ANKFY1: variants seen among roughly 807,000 people sequenced by gnomAD.
ANKFY1 encodes ankyrin repeat and FYVE domain containing 1, also known as ankyrin repeat and FYVE domain-containing protein 1.
A neutral mutation model predicts 128.3 loss-of-function variants in ANKFY1; 47 were observed. That is an observed-to-expected ratio of 0.37 (90% CI 0.29 to 0.47). The LOEUF (loss-of-function observed/expected upper bound fraction) is 0.47, where lower values mean the gene tolerates loss of function less well. Ranked by LOEUF, ANKFY1 falls within the 20% of genes least tolerant of loss-of-function variation. The pLI is 1.00. For missense variants in ANKFY1, 1,222 were observed against 1,510.6 expected (o/e 0.81, Z 3.17); for synonymous variants, 553 against 601.6 (o/e 0.92, Z 1.18).
chr17:4,182,783 C>T lies in ANKFY1; in HGVS notation c.1953-434G>A, dbSNP rs2059538531. 5.9e-5 allele frequency among the ~76,000 whole-genome samples: 9 copies of T among 152,158 alleles called. No homozygotes were observed. The South Asian group carries it at 1.9e-3, about 32-fold the overall frequency. On this transcript the variant is annotated intron_variant, in intron 14 of 24. Transcript: ENST00000341657. ...TTGGTGGCTCATTTGTTGGAACATT[C>T]TTCATTGTAACTGAAATTCCTTGTT...
chr17:4,174,540 C>A (rs939716299), intron 19 of ANKFY1, among the ~76,000 whole-genome samples: 1 of 151,998 alleles, frequency 6.6e-6, no homozygotes, highest in Non-Finnish European at 1.5e-5. Flanking sequence ...AGTATGATTC[C>A]ATCTGGGGAA....
intron 19 of ANKFY1, 124 bp downstream of exon 19, chr17:4,177,002 C>A: frequency 9.4e-7 from 1 of 1,067,238 alleles, no homozygotes; most frequent in East Asian, 3.0e-5. Flanking sequence ...GCACCAGCCT[C>A]GCTCCCCAAA....
At chr17:4,218,546 A>G (rs2060257529) in intron 3 of ANKFY1, among the ~76,000 whole-genome samples, 1 of 152,250 alleles carries the variant, frequency 6.6e-6, no homozygotes, top group Admixed American at 6.5e-5. Context: ...CAGGAATTCA[A>G]GACCAGTGTG....
chr17:4,198,582 G>C (rs1297921098), intron 7 of ANKFY1, among the ~76,000 whole-genome samples: 1 of 152,060 alleles, frequency 6.6e-6, no homozygotes, highest in Non-Finnish European at 1.5e-5. Context: ...ATGATGTACA[G>C]GCTGGTCTCA....
rs1407624420 is a variant in ANKFY1 at position 4,189,565 on chromosome 17, T to C, written c.1373-86A>G. 10 of 1,214,858 alleles carry C rather than the reference T, an allele frequency of 8.2e-6. No homozygotes were observed. In the South Asian group the frequency reaches 1.2e-4, roughly 15 times the overall value. The allele number at this position is 1,214,858 out of a possible 1,614,324, so 75.3% of individuals were successfully genotyped here. Reference sequence around the variant, plus strand: ...AACACCCTGCTCTTCCCTGCCACCCTATGACTGGCAAGCCCACGCCAGACA... The same window carrying C: ...AACACCCTGCTCTTCCCTGCCACCCCATGACTGGCAAGCCCACGCCAGACA... On this transcript the variant is annotated intron_variant, in intron 10 of 24. Transcript: ENST00000341657.
chr17:4,219,414 ACCAGAGATGGGGC>A (rs2060272770), intron 3 of ANKFY1, among the ~76,000 whole-genome samples: 1 of 152,154 alleles, frequency 6.6e-6, no homozygotes, highest in South Asian at 2.1e-4. Context: ...TGAATGAGAA[ACCAGAGATGGGGC>A]CCAGCACATG....
intron 3 of ANKFY1, among the ~76,000 whole-genome samples, chr17:4,221,166 T>G (rs1227511645): frequency 6.6e-6 from 1 of 152,246 alleles, no homozygotes; most frequent in African/African-American, 2.4e-5. Context: ...TAAACTGATC[T>G]GTATGCAATT....
intron 2 of ANKFY1, among the ~76,000 whole-genome samples, chr17:4,240,867 GC>G (rs1567971304): frequency 6.6e-6 from 1 of 152,006 alleles, no homozygotes; most frequent in South Asian, 2.1e-4. Flanking sequence ...CCCTAAACTG[GC>G]CCCCTCCCTG....
At chr17:4,263,635 C>T (rs528483641) in intron 1 of ANKFY1, 2 of 1,534,894 alleles carry the variant, frequency 1.3e-6, no homozygotes, top group East Asian at 2.4e-5. Flanking sequence ...CAAGAGCCTC[C>T]CGTGCTGCCC....
chr17:4,164,929 C>G lies in ANKFY1; in HGVS notation c.*2850G>C, dbSNP rs2059185185. 6.6e-6 allele frequency: 1 copy of G among 152,658 alleles called. No homozygotes were observed. The highest frequency in any genetic ancestry group is 1.5e-5 in the Non-Finnish European group (1 of 68,064). The allele number at this position is 152,658 out of a possible 1,614,324, so 9.5% of individuals were successfully genotyped here. A position where few individuals can be genotyped will look rare whatever the true frequency, so the allele number is the denominator to read the frequency against. On this transcript the variant is annotated 3_prime_UTR_variant, in exon 25 of 25. Coordinates refer to ENST00000341657, the MANE Select transcript of ANKFY1 (RefSeq NM_001330063.2). ...CCTTGGAGAGAACGTGGCAGGTGAA[C>G]TGAGCAATCGAATCCAGCCTCAACT...
rs768526477 is a variant in ANKFY1, at chr17:4,178,949, G to T, written c.2506C>A (p.Gln836Lys). The T allele has an allele frequency of 2.5e-6, 4 of 1,614,196 alleles. No individual in the cohort carries two copies. In the South Asian group the frequency reaches 4.4e-5, roughly 18 times the overall value. ...GCACAGGCAAACGGGGTCAGCCCTT[G>T]TCTGTCTCGTACATTCAAATGGATA... ...PDIHLNVRDR[Q>K]GLTPFACAMT... Residue 836 changes from glutamine (Q) to lysine (K), a missense_variant, in exon 18 of 25, where the codon CAA becomes AAA. By Grantham distance (53) the Gln-to-Lys change is moderately conservative (BLOSUM62 1). Transcript: ENST00000341657. This position sits in a 1 kb window ranked among gnomAD's most constrained non-coding sequence, Gnocchi z 4.1.
At chr17:4,173,298 C>A in intron 21 of ANKFY1, 56 bp downstream of exon 21, 1 of 1,548,690 alleles carries the variant, frequency 6.5e-7, no homozygotes, top group African/African-American at 1.4e-5. Context: ...CAGCAACCAG[C>A]AGCTCTGAGC....
intron 1 of ANKFY1, 107 bp downstream of exon 1, chr17:4,263,825 C>T (rs1968559103): frequency 6.2e-7 from 1 of 1,609,252 alleles, no homozygotes; most frequent in African/African-American, 1.3e-5. Flanking sequence ...ACCCGCGGAG[C>T]CCCCATGCAA....
chr17:4,180,567 T>C (rs1227655466), intron 16 of ANKFY1: 1 of 150,648 alleles, frequency 6.6e-6, no homozygotes, highest in Non-Finnish European at 1.5e-5. Context: ...ATCGAGACCA[T>C]CCTGGCTAAC....
intron 1 of ANKFY1, among the ~76,000 whole-genome samples, chr17:4,245,570 C>T (rs947861403): frequency 2.0e-5 from 3 of 151,616 alleles, no homozygotes; most frequent in African/African-American, 7.3e-5. Flanking sequence ...GTCTTGCACT[C>T]CCAGGCTCAA....
chr17:4,186,291 G>A (rs562443858), intron 11 of ANKFY1: 25 of 152,692 alleles, frequency 1.6e-4, no homozygotes, highest in Admixed American at 1.5e-3. Flanking sequence ...TCATCACTTA[G>A]AGGCAAGAAC....
intron 3 of ANKFY1, among the ~76,000 whole-genome samples, chr17:4,220,216 C>T (rs998850765): frequency 1.3e-5 from 2 of 152,242 alleles, no homozygotes; most frequent in South Asian, 2.1e-4. Context: ...CTAGGTGCTT[C>T]AGCTAAGCTG....
chr17:4,239,010 A>G (rs1967064476), intron 2 of ANKFY1, among the ~76,000 whole-genome samples: 1 of 151,504 alleles, frequency 6.6e-6, no homozygotes, highest in Non-Finnish European at 1.5e-5. Flanking sequence ...CACCTGCCTC[A>G]GCCTCCCAAA....
intron 4 of ANKFY1, among the ~76,000 whole-genome samples, chr17:4,214,311 A>T (rs2060184838): frequency 6.6e-6 from 1 of 152,160 alleles, no homozygotes; most frequent in Non-Finnish European, 1.5e-5. Context: ...CCAGAGTGCC[A>T]TTTGCCATTT....
Sources: allele counts gnomAD v4.1 joint callset (sites outside exome capture counted in the v4.1 genomes callset), GRCh38; gene constraint gnomAD v4.1.1; non-coding constraint Gnocchi (gnomAD v3.1); transcripts MANE v1.5; gene names NCBI Gene and HGNC (gene_info 2026-07-23, HGNC 2026-07-21).